Variants in LGR5 observed in about 807,000 individuals in gnomAD.
LGR5 encodes leucine-rich repeat-containing G protein-coupled receptor 5.
In LGR5, 54 loss-of-function variants were observed where a neutral mutation model predicts 76.7. That is an observed-to-expected ratio of 0.70 (90% CI 0.57 to 0.88). The LOEUF (loss-of-function observed/expected upper bound fraction) is 0.88, where lower values mean the gene tolerates loss of function less well. Among genes scored for constraint, LGR5 ranks in the 40% least tolerant of loss-of-function variants. LGR5 has a pLI of 0.00. For synonymous variants in LGR5, 406 were observed against 421.9 expected, an observed-to-expected ratio of 0.96 and a Z score of 0.46; for missense variants, 1,078 against 1,073.3, an observed-to-expected ratio of 1.00 and a Z score of -0.06.
At chr12:71,569,929 CTGGAT>C (rs1878524667) in intron 11 of LGR5, among the ~76,000 whole-genome samples, 1 of 152,146 alleles carries the variant, frequency 6.6e-6, no homozygotes, top group Non-Finnish European at 1.5e-5. Context: ...CAATGATAGA[CTGGAT>C]AAAGAAAATG....
In LGR5 at chr12:71,584,356, G is replaced by A; in HGVS notation, c.2346G>A (p.Val782=). The A allele has an allele frequency of 2.5e-6, 4 of 1,614,162 alleles. No individual in the cohort carries two copies. The highest frequency in any genetic ancestry group is 3.4e-6 in the Non-Finnish European group (4 of 1,180,016). Residue 782 remains valine, a synonymous_variant, in exon 18 of 18, where the codon GTG becomes GTA. Transcript: ENST00000266674. The part of the protein sequence containing the change: ...LFTNCILNCP[V]AFLSFSSLIN... ...CCAACTGCATCCTAAACTGCCCTGT[G>A]GCTTTCTTGTCCTTCTCCTCTTTAA...
chr12:71,457,873 G>A (rs116886598), intron 1 of LGR5, among the ~76,000 whole-genome samples: 1,873 of 152,190 alleles, frequency 0.012, 22 homozygotes, highest in Non-Finnish European at 0.019. Context: ...CAGCCAGCTT[G>A]GGATCCTACA....
At chr12:71,461,107 GA>G (rs1378539659) in intron 1 of LGR5, among the ~76,000 whole-genome samples, 1 of 152,174 alleles carries the variant, frequency 6.6e-6, no homozygotes, top group Admixed American at 6.5e-5. Flanking sequence ...ACAGCAGCCA[GA>G]AACCACAGTT....
At chr12:71,466,482 T>G (rs1015909970) in intron 1 of LGR5, among the ~76,000 whole-genome samples, 17 of 152,164 alleles carry the variant, frequency 1.1e-4, no homozygotes, top group African/African-American at 3.9e-4. Context: ...CTTCTTTAAA[T>G]TGAATGGGAA....
chr12:71,580,822 A>AC (rs1188090036), intron 16 of LGR5, among the ~76,000 whole-genome samples: 2 of 152,170 alleles, frequency 1.3e-5, no homozygotes, highest in Non-Finnish European at 2.9e-5. Flanking sequence ...AAGGAAAAAA[A>AC]ATTATCAAAC....
At chr12:71,573,574 T>A (rs1310663515) in intron 13 of LGR5, among the ~76,000 whole-genome samples, 1 of 152,218 alleles carries the variant, frequency 6.6e-6, no homozygotes, top group Non-Finnish European at 1.5e-5. Context: ...GAAATAACAG[T>A]TAAAACTTTT....
chr12:71,535,098 T>C lies in LGR5; in HGVS notation c.357-17T>C, dbSNP rs746422244. 2 of 1,581,770 alleles carry C rather than the reference T, an allele frequency of 1.3e-6. No homozygotes were observed. Among genetic ancestry groups the C allele is most frequent in the Admixed American group, 3.4e-5 (2 of 59,438 alleles). ...TCATTTTTTTTAACATTTTTCTTTA[T>C]TTCTTTTAACATACAGTATGCTGCA... On this transcript the variant is annotated splice_polypyrimidine_tract_variant and intron_variant, in intron 3 of 17. Coordinates refer to ENST00000266674, the MANE Select transcript of LGR5 (RefSeq NM_003667.4).
At chr12:71,499,820 T>G (rs1874511811) in intron 1 of LGR5, among the ~76,000 whole-genome samples, 1 of 152,118 alleles carries the variant, frequency 6.6e-6, no homozygotes, top group African/African-American at 2.4e-5. Context: ...GCTGCATTCC[T>G]TTTTGGGTAG....
At chr12:71,574,112 G>A (rs886933438) in intron 13 of LGR5, among the ~76,000 whole-genome samples, 3 of 151,362 alleles carry the variant, frequency 2.0e-5, no homozygotes, top group Non-Finnish European at 2.9e-5. Context: ...GACCAGCCTG[G>A]CCAACATGGT....
chr12:71,458,558 GT>G (rs1872575733), intron 1 of LGR5, among the ~76,000 whole-genome samples: 1 of 152,076 alleles, frequency 6.6e-6, no homozygotes, highest in Non-Finnish European at 1.5e-5. Context: ...CTTAAGCAGT[GT>G]TTTAAAATGT....
At chr12:71,454,907 T>C (rs1463884442) in intron 1 of LGR5, among the ~76,000 whole-genome samples, 2 of 150,830 alleles carry the variant, frequency 1.3e-5, no homozygotes, top group South Asian at 2.1e-4. Context: ...ACCTATAGGA[T>C]AAAGCAACCG....
At chr12:71,542,960 A>G (rs928967813) in intron 4 of LGR5, among the ~76,000 whole-genome samples, 4 of 152,092 alleles carry the variant, frequency 2.6e-5, no homozygotes, top group African/African-American at 9.7e-5. Context: ...TTGTCTGACT[A>G]CCCTTTAGAA....
intron 3 of LGR5, among the ~76,000 whole-genome samples, chr12:71,526,342 C>G (rs1259095251): frequency 6.6e-6 from 1 of 152,012 alleles, no homozygotes; most frequent in Non-Finnish European, 1.5e-5. Flanking sequence ...TGCATTTTAC[C>G]TGAAGACTCC....
intron 1 of LGR5, among the ~76,000 whole-genome samples, chr12:71,484,136 T>A (rs2137265754): frequency 6.6e-6 from 1 of 152,332 alleles, no homozygotes; most frequent in East Asian, 1.9e-4. Context: ...GTTCATAATT[T>A]CTTGTGCTTA....
At position 71,453,039 on chromosome 12, in the gene LGR5, GT is replaced by G. The variant is rs1872312111; in HGVS notation, c.212+12750del. On this transcript the variant is annotated intron_variant, in intron 1 of 17. Transcript: ENST00000266674. ...ATTAGCTAAATTAATTGCCCTGAAT[GT>G]TTAAAAGTATAAGTGTAATTTTCAT... is the stretch of plus-strand genomic sequence containing the variant. Among the ~76,000 whole-genome samples, 3 of 152,122 alleles carry G rather than the reference GT, an allele frequency of 2.0e-5. 1 individual carries two copies. The highest frequency in any genetic ancestry group is 2.0e-4 in the Admixed American group (3 of 15,266).
rs1192031449 is a variant in LGR5 at position 71,586,045 on chromosome 12, T to C, written c.*1311T>C. 6.6e-6 allele frequency: 1 copy of C among 152,214 alleles called. No individual in the cohort carries two copies. Among genetic ancestry groups the C allele is most frequent in the East Asian group, 1.9e-4 (1 of 5,200 alleles). The allele number at this position is 152,214 out of a possible 1,614,324, so 9.4% of individuals were successfully genotyped here. On this transcript the variant is annotated 3_prime_UTR_variant, in exon 18 of 18. Coordinates refer to ENST00000266674, the MANE Select transcript of LGR5 (RefSeq NM_003667.4). ...TTTAACTTGGATTTGAAAAAATACA[T>C]TTATGAGATGTTTTATAAGATGTGT...
chr12:71,500,005 C>T (rs773080581), intron 1 of LGR5, among the ~76,000 whole-genome samples: 2 of 151,962 alleles, frequency 1.3e-5, no homozygotes, highest in Admixed American at 1.3e-4. Context: ...GGGCCAGATC[C>T]GGAAGCGAAC....
chr12:71,466,342 T>TTA (rs1171450542), intron 1 of LGR5, among the ~76,000 whole-genome samples: 3 of 152,198 alleles, frequency 2.0e-5, no homozygotes, highest in Non-Finnish European at 4.4e-5. Flanking sequence ...AGATTTTATT[T>TTA]TATTAAATGG....
At chr12:71,546,729 A>G (rs1877187114) in intron 4 of LGR5, among the ~76,000 whole-genome samples, 1 of 152,150 alleles carries the variant, frequency 6.6e-6, no homozygotes, top group Admixed American at 6.6e-5. Flanking sequence ...TCTACAGCAC[A>G]TGTATTATGA....
Sources: allele counts gnomAD v4.1 joint callset (sites outside exome capture counted in the v4.1 genomes callset), GRCh38; gene constraint gnomAD v4.1.1; transcripts MANE v1.5; gene names NCBI Gene and HGNC (gene_info 2026-07-23, HGNC 2026-07-21).